The following CASZ1 variants were observed in gnomAD, a reference collection of about 807,000 sequenced individuals.
CASZ1 encodes the protein castor zinc finger 1.
Under a neutral mutation model 135.2 loss-of-function variants are expected in CASZ1, and 28 were observed. That is an observed-to-expected ratio of 0.21 (90% CI 0.15 to 0.28). The LOEUF (loss-of-function observed/expected upper bound fraction) is 0.28. CASZ1 is among the 10% of genes least tolerant of loss of function. CASZ1 has a pLI of 1.00. For missense variants in CASZ1, 2,161 were observed against 2,453.3 expected, an observed-to-expected ratio of 0.88 and a Z score of 2.52; for synonymous variants, 1,068 against 1,073.4, an observed-to-expected ratio of 0.99 and a Z score of 0.10.
At chr1:10,733,635 A>T (rs2100513908) in intron 2 of CASZ1, among the ~76,000 whole-genome samples, 1 of 152,302 alleles carries the variant, frequency 6.6e-6, no homozygotes, top group Admixed American at 6.5e-5. Flanking sequence ...GAATATATGA[A>T]GAGAGGCCCA....
chr1:10,708,979 G>T (rs901968475), intron 2 of CASZ1, among the ~76,000 whole-genome samples: 1 of 134,484 alleles, frequency 7.4e-6, no homozygotes, highest in African/African-American at 2.8e-5. Context: ...GGAGGGGGGG[G>T]GCCATGGGTG....
Position 10,699,388 on chromosome 1 carries a change from C to T in CASZ1, c.-23-5476G>A, listed in dbSNP as rs965783439. ...CCCCCAACCCCCACATCCCACTTAC[C>T]CTGCTCTAAAAGGTGCTCTCAGAGT... On this transcript the variant is annotated intron_variant, in intron 3 of 20. Transcript: ENST00000377022. This position sits in a 1 kb window ranked among gnomAD's most constrained non-coding sequence, Gnocchi z 4.6. Among the ~76,000 whole-genome samples, 1 of 152,310 alleles carries T rather than the reference C, an allele frequency of 6.6e-6. No homozygotes were observed. The highest frequency in any genetic ancestry group is 2.1e-4 in the South Asian group (1 of 4,828).
Position 10,756,898 on chromosome 1 carries a change from C to T in CASZ1, c.-77+3803G>A, listed in dbSNP as rs944502673. 1.1e-4 allele frequency among the ~76,000 whole-genome samples: 17 copies of T among 152,170 alleles called. No individual in the cohort carries two copies. Among genetic ancestry groups the T allele is most frequent in the African/African-American group, 3.1e-4 (13 of 41,440 alleles). ...GGTGTGCAGAAGCTCAGCCCTTGAGCGCACAGATCACATTCAAAGCCACAG... is the reference window on the plus strand; with the variant it reads ...GGTGTGCAGAAGCTCAGCCCTTGAGTGCACAGATCACATTCAAAGCCACAG... On this transcript the variant is annotated intron_variant, in intron 2 of 20. Coordinates refer to ENST00000377022, the MANE Select transcript of CASZ1 (RefSeq NM_001079843.3). The surrounding 1 kb of genome is among the most constrained non-coding windows in gnomAD (Gnocchi z 5.9).
intron 20 of CASZ1, among the ~76,000 whole-genome samples, chr1:10,641,364 G>A (rs1642194453): frequency 6.6e-6 from 1 of 152,216 alleles, no homozygotes; most frequent in South Asian, 2.1e-4. Context: ...TAACTCCTGG[G>A]GCCTGTACTC....
At chr1:10,664,175 G>T (rs903797905) in intron 5 of CASZ1, among the ~76,000 whole-genome samples, 1 of 152,066 alleles carries the variant, frequency 6.6e-6, no homozygotes, top group Non-Finnish European at 1.5e-5. Context: ...AGGGCTCCCC[G>T]CACGGGGAGG....
chr1:10,725,259 G>A lies in CASZ1; in HGVS notation c.-76-19715C>T, dbSNP rs1208298392. 6.6e-6 allele frequency among the ~76,000 whole-genome samples: 1 copy of A among 152,252 alleles called. No individual in the cohort carries two copies. Among genetic ancestry groups the A allele is most frequent in the African/African-American group, 2.4e-5 (1 of 41,470 alleles). On this transcript the variant is annotated intron_variant, in intron 2 of 20. Coordinates refer to ENST00000377022, the MANE Select transcript of CASZ1 (RefSeq NM_001079843.3). The surrounding 1 kb of genome is among the most constrained non-coding windows in gnomAD (Gnocchi z 4.4). The stretch of plus-strand genomic sequence containing the variant: ...GGGCGGCCAAGTAGGCTGGGTGCCA[G>A]GCGTCTGCCAGGCCCCTCCACCGTG...
chr1:10,761,807 C>T (rs1205905648), intron 1 of CASZ1, among the ~76,000 whole-genome samples: 1 of 152,218 alleles, frequency 6.6e-6, no homozygotes, highest in Non-Finnish European at 1.5e-5. Flanking sequence ...GGAAGCCCGG[C>T]CTCGTGGATG....
In CASZ1 at chr1:10,648,204, G is replaced by T; in HGVS notation, c.3159-65C>A. ...AAGACAGGTGTGGAGGGGCATGCAT[G>T]TGACCCCATCACAGGCCTAGACCCC... On this transcript the variant is annotated intron_variant, in intron 15 of 20. Coordinates refer to ENST00000377022, the MANE Select transcript of CASZ1 (RefSeq NM_001079843.3). 5 of 1,195,058 alleles carry T rather than the reference G, an allele frequency of 4.2e-6. No individual in the cohort carries two copies. The South Asian group carries it at 4.7e-5, about 11-fold the overall frequency. The allele number at this position is 1,195,058 out of a possible 1,614,324, so 74.0% of individuals were successfully genotyped here. A position where few individuals can be genotyped will look rare whatever the true frequency, so the allele number is the denominator to read the frequency against.
chr1:10,654,608 GGT>G lies in CASZ1; in HGVS notation c.1666-19_1666-18del. 6.2e-7 allele frequency: 1 copy of G among 1,610,018 alleles called. No homozygotes were observed. Among genetic ancestry groups the G allele is most frequent in the Non-Finnish European group, 8.5e-7 (1 of 1,176,982 alleles). ...ACAGCCCACCTGCACAGGACGGGATGGTGGTCAGGCGAACGGAGGCCAGGTGC... is the reference window on the plus strand; with the variant it reads ...ACAGCCCACCTGCACAGGACGGGATGGGTCAGGCGAACGGAGGCCAGGTGC... On this transcript the variant is annotated intron_variant, in intron 9 of 20. Transcript: ENST00000377022.
intron 3 of CASZ1, among the ~76,000 whole-genome samples, chr1:10,705,082 G>A (rs1639144179): frequency 6.6e-6 from 1 of 152,244 alleles, no homozygotes; most frequent in Non-Finnish European, 1.5e-5. Flanking sequence ...AGTCCATGCG[G>A]TTCTTGAGGC....
At chr1:10,714,975 C>G (rs1639350955) in intron 2 of CASZ1, among the ~76,000 whole-genome samples, 1 of 152,226 alleles carries the variant, frequency 6.6e-6, no homozygotes, top group African/African-American at 2.4e-5. Context: ...ATGAGACCCA[C>G]CTGCCGCCGC....
rs191035764 is a variant in CASZ1, at chr1:10,776,235, G to A, written c.-233-15378C>T. Among the ~76,000 whole-genome samples the A allele has an allele frequency of 2.7e-4, 41 of 152,272 alleles. No homozygotes were observed. The highest frequency in any genetic ancestry group is 3.4e-3 in the Middle Eastern group (1 of 294). On this transcript the variant is annotated intron_variant, in intron 1 of 20. Transcript: ENST00000377022. The surrounding 1 kb of genome is among the most constrained non-coding windows in gnomAD (Gnocchi z 4.1). Reference sequence around the variant, plus strand: ...GGAAGAGCTAAAATTAACATAGAGCGAGCAGTGTTTGCTATTACATTCAAT... The same window carrying A: ...GGAAGAGCTAAAATTAACATAGAGCAAGCAGTGTTTGCTATTACATTCAAT...
intron 4 of CASZ1, among the ~76,000 whole-genome samples, chr1:10,671,378 T>G (rs116756239): frequency 1.3e-5 from 2 of 152,186 alleles, no homozygotes; most frequent in Non-Finnish European, 2.9e-5. Context: ...TATATTCACA[T>G]GTGCACATGT....
chr1:10,671,895 G>A (rs573394390), intron 4 of CASZ1, among the ~76,000 whole-genome samples: 3 of 152,324 alleles, frequency 2.0e-5, no homozygotes, highest in Admixed American at 6.5e-5. Flanking sequence ...GCCTTTTCAC[G>A]GGAGCAGGTG....
intron 2 of CASZ1, among the ~76,000 whole-genome samples, chr1:10,753,557 C>T (rs947053141): frequency 1.4e-4 from 21 of 152,304 alleles, no homozygotes; most frequent in Admixed American, 3.3e-4. Context: ...TAAAGCGGAT[C>T]GGTCCTGGAA....
At chr1:10,740,513 A>G (rs1405877547) in intron 2 of CASZ1, among the ~76,000 whole-genome samples, 1 of 152,224 alleles carries the variant, frequency 6.6e-6, no homozygotes, top group Non-Finnish European at 1.5e-5. Flanking sequence ...GTGTCTCCCC[A>G]GGGCAGCCAC....
Position 10,654,345 on chromosome 1 carries a change from C to T in CASZ1, c.1838+74G>A, listed in dbSNP as rs56229092. On this transcript the variant is annotated intron_variant, in intron 10 of 20. Coordinates refer to ENST00000377022, the MANE Select transcript of CASZ1 (RefSeq NM_001079843.3). Reference sequence around the variant, plus strand: ...TGGACACCGAGGCAGGGGCCTGAGCCGTCCCACGAGCCTGGGTCCTTGCCT... The same window carrying T: ...TGGACACCGAGGCAGGGGCCTGAGCTGTCCCACGAGCCTGGGTCCTTGCCT... 101,690 of 1,582,244 alleles carry T rather than the reference C, an allele frequency of 0.064. 4,157 individuals are homozygous for T. Among genetic ancestry groups the T allele is most frequent in the Admixed American group, 0.16 (9,312 of 57,770 alleles).
At chr1:10,786,465 CAG>C (rs141387029) in intron 1 of CASZ1, among the ~76,000 whole-genome samples, 4,383 of 152,340 alleles carry the variant, frequency 0.029, 93 homozygotes, top group Middle Eastern at 0.068. Context: ...TCCAGACAGA[CAG>C]AGAGCAAGCT....
At chr1:10,673,299 G>A (rs1199331875) in intron 4 of CASZ1, among the ~76,000 whole-genome samples, 1 of 152,210 alleles carries the variant, frequency 6.6e-6, no homozygotes, top group Non-Finnish European at 1.5e-5. Flanking sequence ...CTGGCGGAGA[G>A]GATCAATTTC....
Sources: allele counts gnomAD v4.1 joint callset (sites outside exome capture counted in the v4.1 genomes callset), GRCh38; gene constraint gnomAD v4.1.1; non-coding constraint Gnocchi (gnomAD v3.1); transcripts MANE v1.5; gene names NCBI Gene and HGNC (gene_info 2026-07-23, HGNC 2026-07-21).